The following DMD variants were observed in gnomAD, a reference collection of about 807,000 sequenced individuals.
DMD encodes dystrophin, also known as mutant dystrophin.
In DMD, 63 loss-of-function variants were observed where a neutral mutation model predicts 330.1. That is an observed-to-expected ratio of 0.19 (90% CI 0.16 to 0.24). The LOEUF (loss-of-function observed/expected upper bound fraction) is 0.24, where lower values mean the gene tolerates loss of function less well. Ranked by LOEUF, DMD falls within the 10% of genes least tolerant of loss-of-function variation. The pLI, the probability that DMD is intolerant of heterozygous loss-of-function variation, is 1.00. For missense variants in DMD, 3,344 were observed against 2,684.1 expected (o/e 1.25, Z -5.43); for synonymous variants, 1,223 against 959.8 (o/e 1.27, Z -5.07).
chrX:32,183,618 A>T (rs1400363134), intron 44 of DMD, among the ~76,000 whole-genome samples: 1 of 105,266 alleles, frequency 9.5e-6, no homozygotes, highest in East Asian at 2.9e-4. Context: ...AATCTAAAAA[A>T]TACTCTAACT....
At chrX:31,290,963 G>T (rs1437257625) in intron 62 of DMD, among the ~76,000 whole-genome samples, 1 of 111,625 alleles carries the variant, frequency 9.0e-6, no homozygotes, top group Non-Finnish European at 1.9e-5. Context: ...TAACATTTAA[G>T]GAAAAATAAG....
chrX:32,901,127 TTTTATATTTAAAA>T (rs1327229515), intron 2 of DMD, among the ~76,000 whole-genome samples: 4 of 111,671 alleles, frequency 3.6e-5, no homozygotes, highest in African/African-American at 1.3e-4. Flanking sequence ...GAATGAATTA[TTTTATATTTAAAA>T]TAATTAAGTC....
At chrX:32,009,701 G>A (rs1450061625) in intron 44 of DMD, among the ~76,000 whole-genome samples, 3 of 111,741 alleles carry the variant, frequency 2.7e-5, no homozygotes, top group African/African-American at 9.8e-5. Flanking sequence ...GCTCCTTGGA[G>A]TTCTTCAAAA....
chrX:32,303,867 T>A (rs1445011146), intron 42 of DMD, among the ~76,000 whole-genome samples: 1 of 110,814 alleles, frequency 9.0e-6, no homozygotes, highest in African/African-American at 3.3e-5. Context: ...TACCAGGCAC[T>A]ACATTAATGA....
intron 44 of DMD, among the ~76,000 whole-genome samples, chrX:31,991,572 A>G (rs954322096): frequency 3.6e-5 from 4 of 110,316 alleles, no homozygotes; most frequent in Non-Finnish European, 5.7e-5. Flanking sequence ...TGTCATGTCC[A>G]GGTAGTAGGG....
chrX:31,695,910 T>C (rs2083429018), intron 52 of DMD, among the ~76,000 whole-genome samples: 1 of 111,102 alleles, frequency 9.0e-6, no homozygotes, highest in African/African-American at 3.3e-5. Context: ...TCCAAATAGC[T>C]AAAAAGGAGG....
At chrX:31,252,357 G>T (rs1573953) in intron 63 of DMD, among the ~76,000 whole-genome samples, 20,642 of 111,204 alleles carry the variant, frequency 0.19, 1,472 homozygotes, top group East Asian at 0.39. Context: ...CATGCTAAGA[G>T]TAATGGATGT....
intron 60 of DMD, among the ~76,000 whole-genome samples, chrX:31,434,692 T>C (rs17338535): frequency 0.14 from 15,932 of 110,668 alleles, 1,053 homozygotes; most frequent in East Asian, 0.33. Context: ...GAATGAATGA[T>C]TGAACAAAGG....
At chrX:32,761,939 A>G (rs1475532247) in intron 7 of DMD, among the ~76,000 whole-genome samples, 1 of 110,452 alleles carries the variant, frequency 9.1e-6, no homozygotes, top group African/African-American at 3.3e-5. Flanking sequence ...TCACAAGGTA[A>G]GGAGATCGAG....
At chrX:33,173,239 G>C (rs1467010590) in intron 1 of DMD, among the ~76,000 whole-genome samples, 1 of 111,418 alleles carries the variant, frequency 9.0e-6, no homozygotes, top group Non-Finnish European at 1.9e-5. Context: ...ATGTCCATGT[G>C]TGTACATCAT....
At chrX:31,860,494 A>AGATT (rs202140149) in intron 48 of DMD, among the ~76,000 whole-genome samples, 1,481 of 112,096 alleles carry the variant, frequency 0.013, 24 homozygotes, top group African/African-American at 0.045. Context: ...ATGGGTAAAG[A>AGATT]GATTAGAAAG....
rs763881649 is a variant in DMD, at chrX:31,183,861, C to A, written c.9808-957G>T. Among the ~76,000 whole-genome samples the A allele has an allele frequency of 6.2e-5, 6 of 96,396 alleles. No homozygotes were observed. In the South Asian group the frequency reaches 2.7e-3, roughly 44 times the overall value. 83.7% of individuals were successfully genotyped at this position (96,396 alleles called of 115,157 possible). On this transcript the variant is annotated intron_variant, in intron 67 of 78. Coordinates refer to ENST00000357033, the MANE Select transcript of DMD (RefSeq NM_004006.3). ...AGCTCTGTTTGTCTGAAAATACCTC[C>A]TTTTTTTAAAAAAAAAATCCATATT...
chrX:32,326,394 G>C (rs184033968), intron 41 of DMD, among the ~76,000 whole-genome samples: 6 of 112,258 alleles, frequency 5.3e-5, no homozygotes, highest in African/African-American at 1.9e-4. Context: ...GACATATTTT[G>C]CTAAGTAACT....
chrX:32,529,350 C>T (rs183055226), intron 17 of DMD, among the ~76,000 whole-genome samples: 1,037 of 99,776 alleles, frequency 0.01, 21 homozygotes, highest in African/African-American at 0.037. Flanking sequence ...GTGTCACAGG[C>T]GCGCGAATTC....
At chrX:33,186,784 T>C (rs1048404349) in intron 1 of DMD, among the ~76,000 whole-genome samples, 1 of 111,699 alleles carries the variant, frequency 9.0e-6, no homozygotes, top group Admixed American at 9.5e-5. Context: ...GATATTTGAC[T>C]TGTCTACAAG....
intron 2 of DMD, among the ~76,000 whole-genome samples, chrX:33,009,948 G>GTGTGTGTGTATATACACGTT (rs2093627002): frequency 1.2e-5 from 1 of 81,634 alleles, no homozygotes; most frequent in Non-Finnish European, 2.2e-5. Flanking sequence ...ATATACACGT[G>GTGTGTGTGTATATACACGTT]TGTATGTGTA....
At chrX:33,323,623 A>G (rs1048727605) in intron 1 of DMD, among the ~76,000 whole-genome samples, 1 of 111,449 alleles carries the variant, frequency 9.0e-6, no homozygotes, top group Admixed American at 9.6e-5. Context: ...TGTCCTGTGT[A>G]TTTTTAAAAT....
intron 34 of DMD, among the ~76,000 whole-genome samples, chrX:32,379,272 C>G (rs748670400): frequency 6.5e-4 from 70 of 108,506 alleles, no homozygotes; most frequent in Non-Finnish European, 1.2e-3. Flanking sequence ...AAATACTTTC[C>G]AGGCAGATTC....
intron 52 of DMD, among the ~76,000 whole-genome samples, chrX:31,727,719 G>C (rs773205639): frequency 8.9e-6 from 1 of 111,940 alleles, no homozygotes; most frequent in African/African-American, 3.2e-5. Context: ...TGTTATAGTG[G>C]CTAGTGTTAC....
Sources: allele counts gnomAD v4.1 joint callset (sites outside exome capture counted in the v4.1 genomes callset), GRCh38; gene constraint gnomAD v4.1.1; transcripts MANE v1.5; gene names NCBI Gene and HGNC (gene_info 2026-07-23, HGNC 2026-07-21).